LINGO2: variants seen among roughly 807,000 people sequenced by gnomAD.
LINGO2 encodes leucine-rich repeat and immunoglobulin-like domain-containing nogo receptor-interacting protein 2.
A neutral mutation model predicts 30.6 loss-of-function variants in LINGO2; 14 were observed. That is an observed-to-expected ratio of 0.46 (90% CI 0.30 to 0.72). The LOEUF is 0.72. Ranked by LOEUF, LINGO2 falls within the 30% of genes least tolerant of loss-of-function variation. LINGO2 has a pLI of 0.07. For synonymous variants in LINGO2, 317 were observed against 288.5 expected, an observed-to-expected ratio of 1.10 and a Z score of -1.00; for missense variants, 729 against 751.7, an observed-to-expected ratio of 0.97 and a Z score of 0.35.
chr9:29,033,433 A>G, the LINGO2 span, among the ~76,000 whole-genome samples: 1 of 149,458 alleles, frequency 6.7e-6, no homozygotes, highest in Non-Finnish European at 1.5e-5. Flanking sequence ...CTATAAGACC[A>G]TTATTTTTGA....
the LINGO2 span, among the ~76,000 whole-genome samples, chr9:29,090,591 T>C: frequency 6.6e-6 from 1 of 152,038 alleles, no homozygotes; most frequent in South Asian, 2.1e-4. Context: ...TCTCATAAGA[T>C]GGGAGATCTT....
the LINGO2 span, among the ~76,000 whole-genome samples, chr9:28,773,690 T>G: frequency 6.6e-6 from 1 of 152,182 alleles, no homozygotes; most frequent in Admixed American, 6.5e-5. Flanking sequence ...TAAGATGATA[T>G]TTTGCTCTCA....
the LINGO2 span, among the ~76,000 whole-genome samples, chr9:28,685,517 T>C: frequency 6.6e-6 from 1 of 152,188 alleles, no homozygotes; most frequent in Non-Finnish European, 1.5e-5. Flanking sequence ...TGTTTCTGAT[T>C]TTCCATTTGA....
intron 1 of LINGO2, among the ~76,000 whole-genome samples, chr9:28,648,710 T>C (rs1827955122): frequency 6.6e-6 from 1 of 152,122 alleles, no homozygotes; most frequent in Non-Finnish European, 1.5e-5. Flanking sequence ...TTAGTACTCT[T>C]AGTCTAATGC....
At chr9:28,245,053 T>G (rs1489840878) in intron 4 of LINGO2, among the ~76,000 whole-genome samples, 1 of 152,200 alleles carries the variant, frequency 6.6e-6, no homozygotes, top group Non-Finnish European at 1.5e-5. Flanking sequence ...GTAAAAATCC[T>G]TAATCAAATA....
intron 2 of LINGO2, among the ~76,000 whole-genome samples, chr9:28,439,121 CTATT>C (rs1472112086): frequency 6.8e-6 from 1 of 146,634 alleles, no homozygotes; most frequent in Admixed American, 6.9e-5. Context: ...TAGATAATAT[CTATT>C]TATACATTAT....
rs141525218 is a variant in LINGO2 at position 27,996,292 on chromosome 9, T to C, written c.-36+16063A>G. ...TCCAAAAATCTCACTGCTGTGTATATATAAGAAAGAAAATCAATGTTTTAG... is the reference window on the plus strand; with the variant it reads ...TCCAAAAATCTCACTGCTGTGTATACATAAGAAAGAAAATCAATGTTTTAG... On this transcript the variant is annotated intron_variant, in intron 5 of 5. Transcript: ENST00000379992. 2.4e-3 allele frequency among the ~76,000 whole-genome samples: 372 copies of C among 152,268 alleles called. 1 individual carries two copies. The highest frequency in any genetic ancestry group is 8.6e-3 in the African/African-American group (357 of 41,574).
intron 3 of LINGO2, among the ~76,000 whole-genome samples, chr9:28,345,253 T>C (rs1819523437): frequency 6.6e-6 from 1 of 152,090 alleles, no homozygotes; most frequent in Non-Finnish European, 1.5e-5. Flanking sequence ...TTAAATATAT[T>C]TTTTCTTTTA....
intron 1 of LINGO2, among the ~76,000 whole-genome samples, chr9:28,488,255 G>A (rs1826252230): frequency 6.6e-6 from 1 of 152,068 alleles, no homozygotes; most frequent in South Asian, 2.1e-4. Context: ...AGTGCCTGCA[G>A]AACTCTAAAA....
chr9:28,470,980 T>C (rs1292034747), intron 2 of LINGO2, among the ~76,000 whole-genome samples: 1 of 148,896 alleles, frequency 6.7e-6, no homozygotes, highest in East Asian at 1.9e-4. Context: ...TATATATAAT[T>C]TTCTTTATAT....
chr9:27,982,299 G>A (rs537091349), intron 5 of LINGO2, among the ~76,000 whole-genome samples: 152 of 151,780 alleles, frequency 1.0e-3, no homozygotes, highest in African/African-American at 3.5e-3. Flanking sequence ...TAAATCAGCC[G>A]GACACTAGGA....
At chr9:28,021,088 A>G (rs1389049562) in intron 4 of LINGO2, among the ~76,000 whole-genome samples, 1 of 151,592 alleles carries the variant, frequency 6.6e-6, no homozygotes, top group Non-Finnish European at 1.5e-5. Context: ...CTTTAGGCTT[A>G]ACTTGCTCTT....
At position 28,126,190 on chromosome 9, in the gene LINGO2, G is replaced by A. The variant is rs192144692; in HGVS notation, c.-86-113785C>T. Among the ~76,000 whole-genome samples, 5 of 152,188 alleles carry A rather than the reference G, an allele frequency of 3.3e-5. No homozygotes were observed. In the South Asian group the frequency reaches 6.2e-4, roughly 19 times the overall value. The stretch of plus-strand genomic sequence containing the variant: ...ATATTCTGTGCTGTATTTTCATGAC[G>A]TGGCTTATAGTAAAATTTCATATCT... On this transcript the variant is annotated intron_variant, in intron 4 of 5. Transcript: ENST00000379992.
chr9:28,337,283 C>T (rs1825622084), intron 3 of LINGO2, among the ~76,000 whole-genome samples: 1 of 151,556 alleles, frequency 6.6e-6, no homozygotes, highest in African/African-American at 2.4e-5. Context: ...AAACGACCCT[C>T]CAAATTAAAA....
intron 4 of LINGO2, among the ~76,000 whole-genome samples, chr9:28,285,972 G>A (rs866526119): frequency 1.3e-5 from 2 of 152,196 alleles, no homozygotes; most frequent in Middle Eastern, 6.8e-3. Context: ...AAAATTCAAA[G>A]TTTGTGAAAG....
the LINGO2 span, among the ~76,000 whole-genome samples, chr9:28,914,313 A>G: frequency 6.6e-6 from 1 of 152,198 alleles, no homozygotes; most frequent in East Asian, 1.9e-4. Flanking sequence ...TCTTTTGGCC[A>G]AAACGCTATA....
intron 4 of LINGO2, among the ~76,000 whole-genome samples, chr9:28,211,071 T>A (rs1490723350): frequency 6.6e-6 from 1 of 151,566 alleles, no homozygotes; most frequent in East Asian, 1.9e-4. Flanking sequence ...TTAATTCTGT[T>A]CTAAATCAAT....
chr9:28,891,964 C>T, the LINGO2 span, among the ~76,000 whole-genome samples: 1 of 151,822 alleles, frequency 6.6e-6, no homozygotes, highest in Non-Finnish European at 1.5e-5. Flanking sequence ...CATGTTACTA[C>T]CTCTTTGGTT....
intron 4 of LINGO2, among the ~76,000 whole-genome samples, chr9:28,199,593 C>T (rs1820153925): frequency 6.6e-6 from 1 of 152,062 alleles, no homozygotes; most frequent in South Asian, 2.1e-4. Context: ...CTGCCTCGGC[C>T]CCCCAAAGTG....
Sources: allele counts gnomAD v4.1 joint callset (sites outside exome capture counted in the v4.1 genomes callset), GRCh38; gene constraint gnomAD v4.1.1; transcripts MANE v1.5; gene names NCBI Gene and HGNC (gene_info 2026-07-23, HGNC 2026-07-21).